Variants in RBM6 observed in about 807,000 individuals in gnomAD.
RBM6 encodes RNA binding motif protein 6, also known as RNA-binding protein 6.
Under a neutral mutation model 140.4 loss-of-function variants are expected in RBM6, and 23 were observed. The ratio of observed to expected loss-of-function variants is 0.16; its 90% confidence interval spans 0.12 to 0.23. The LOEUF (loss-of-function observed/expected upper bound fraction) is 0.23, where lower values mean the gene tolerates loss of function less well. Ranked by LOEUF, RBM6 falls within the 10% of genes least tolerant of loss-of-function variation. The pLI is 1.00. For synonymous variants in RBM6, 439 were observed against 475.6 expected (o/e 0.92, Z 1.00); for missense variants, 1,139 against 1,386.7 (o/e 0.82, Z 2.84).
At chr3:50,069,241 G>A (rs79480342) in intron 18 of RBM6, among the ~76,000 whole-genome samples, 1,952 of 152,138 alleles carry the variant, frequency 0.013, 34 homozygotes, top group Non-Finnish European at 0.014. Context: ...GGTCAGGCAC[G>A]GTGGCTCACG....
chr3:49,944,946 G>A (rs111389326), intron 1 of RBM6, among the ~76,000 whole-genome samples: 20,467 of 146,396 alleles, frequency 0.14, 1,756 homozygotes, highest in Non-Finnish European at 0.2. Flanking sequence ...GCGTGATCTC[G>A]GCTCACTCCA....
chr3:50,017,794 G>A (rs953810174), intron 6 of RBM6, among the ~76,000 whole-genome samples: 4 of 152,014 alleles, frequency 2.6e-5, no homozygotes, highest in East Asian at 1.9e-4. Context: ...AATTCCATTT[G>A]TCTGTTTTTG....
intron 5 of RBM6, among the ~76,000 whole-genome samples, chr3:49,984,372 C>T (rs1165976347): frequency 3.3e-5 from 5 of 152,024 alleles, no homozygotes; most frequent in South Asian, 2.1e-4. Flanking sequence ...TTTGGGAGGC[C>T]GAGATGGGTG....
intron 15 of RBM6, 32 bp from the exon 16 acceptor site, chr3:50,064,999 T>C: frequency 6.4e-7 from 1 of 1,553,562 alleles, no homozygotes; most frequent in South Asian, 1.1e-5. Flanking sequence ...TATGAGTGAA[T>C]ATCATGTGAG....
At chr3:50,058,784 C>T (rs1459942815) in intron 10 of RBM6, 4 of 324,178 alleles carry the variant, frequency 1.2e-5, no homozygotes, top group Non-Finnish European at 2.3e-5. Flanking sequence ...GGCGTGGTGG[C>T]AGGCGCCTGT....
chr3:49,976,623 C>T (rs2085075370), intron 5 of RBM6, among the ~76,000 whole-genome samples: 1 of 152,126 alleles, frequency 6.6e-6, no homozygotes, highest in Non-Finnish European at 1.5e-5. Context: ...AGGATAATAA[C>T]CTCAGTCTGG....
intron 6 of RBM6, among the ~76,000 whole-genome samples, chr3:50,027,534 G>A (rs757370669): frequency 1.2e-4 from 18 of 152,002 alleles, no homozygotes; most frequent in African/African-American, 2.7e-4. Context: ...TCTGCTAGTC[G>A]GCTTTCTGTC....
At chr3:49,959,192 T>C (rs1438270492) in intron 1 of RBM6, among the ~76,000 whole-genome samples, 1 of 145,422 alleles carries the variant, frequency 6.9e-6, no homozygotes, top group Non-Finnish European at 1.5e-5. Flanking sequence ...TTTTTCCTTT[T>C]TTTTTTTTTT....
chr3:49,946,742 C>T (rs967361643), intron 1 of RBM6, among the ~76,000 whole-genome samples: 2 of 151,832 alleles, frequency 1.3e-5, no homozygotes, highest in African/African-American at 4.8e-5. Flanking sequence ...ACCATATTAG[C>T]CAGGCTGGTC....
chr3:50,032,874 A>G (rs912789826), intron 6 of RBM6, among the ~76,000 whole-genome samples: 5 of 151,798 alleles, frequency 3.3e-5, no homozygotes, highest in African/African-American at 1.2e-4. Flanking sequence ...AATTCCAGCT[A>G]TTCGGGAGGC....
Position 50,060,877 on chromosome 3 carries a change from C to G in RBM6, c.2229-79C>G, listed in dbSNP as rs560379584. The G allele has an allele frequency of 9.9e-6, 14 of 1,412,942 alleles. No homozygotes were observed. In the South Asian group the frequency reaches 1.3e-4, roughly 13 times the overall value. 87.5% of individuals were successfully genotyped at this position (1,412,942 alleles called of 1,614,324 possible). On this transcript the variant is annotated intron_variant, in intron 11 of 20. Transcript: ENST00000266022. ...GCAAAATGAGGAACAGAGGATTTCT[C>G]GATAGGAACTGTAGGATTAAGTACT... is the stretch of plus-strand genomic sequence containing the variant.
intron 1 of RBM6, among the ~76,000 whole-genome samples, chr3:49,953,677 G>A (rs2083841532): frequency 6.6e-6 from 1 of 151,880 alleles, no homozygotes; most frequent in Non-Finnish European, 1.5e-5. Flanking sequence ...GTGCTACCAC[G>A]CCTGGCTAAT....
At chr3:50,046,008 C>T (rs1450209873) in intron 6 of RBM6, among the ~76,000 whole-genome samples, 1 of 152,112 alleles carries the variant, frequency 6.6e-6, no homozygotes, top group East Asian at 1.9e-4. Flanking sequence ...TTAGGCCGGA[C>T]ACAGTGGCTC....
intron 6 of RBM6, among the ~76,000 whole-genome samples, chr3:50,011,334 T>C (rs1335100623): frequency 2.6e-5 from 4 of 152,240 alleles, no homozygotes; most frequent in Non-Finnish European, 4.4e-5. Flanking sequence ...AGGCTCCATT[T>C]GAACTGGTTA....
intron 1 of RBM6, among the ~76,000 whole-genome samples, chr3:49,959,571 GTTTT>G (rs551329901): frequency 8.8e-6 from 1 of 114,220 alleles, no homozygotes; most frequent in Admixed American, 9.2e-5. Context: ...TATATTTAGG[GTTTT>G]TTTTTTTTTT....
chr3:50,009,229 C>CT (rs1328098563), intron 6 of RBM6, among the ~76,000 whole-genome samples: 2 of 152,162 alleles, frequency 1.3e-5, no homozygotes, highest in African/African-American at 4.8e-5. Context: ...CATGAAGTGT[C>CT]TAAGGAATGA....
chr3:50,024,996 A>G (rs970222070), intron 6 of RBM6, among the ~76,000 whole-genome samples: 1 of 151,164 alleles, frequency 6.6e-6, no homozygotes. Flanking sequence ...GTCTCAAAAA[A>G]CAAAAAACAA....
intron 1 of RBM6, among the ~76,000 whole-genome samples, chr3:49,956,502 T>C (rs1353311482): frequency 6.6e-6 from 1 of 151,266 alleles, no homozygotes; most frequent in Non-Finnish European, 1.5e-5. Flanking sequence ...CTGGCTAATT[T>C]TGTATTTTTA....
At chr3:50,003,309 A>C (rs78877562) in intron 6 of RBM6, among the ~76,000 whole-genome samples, 2 of 3,442 alleles carry the variant, frequency 5.8e-4, no homozygotes, top group East Asian at 0.021. Flanking sequence ...GTCTAAATTT[A>C]AAAAAAAAAA....
Sources: allele counts gnomAD v4.1 joint callset (sites outside exome capture counted in the v4.1 genomes callset), GRCh38; gene constraint gnomAD v4.1.1; transcripts MANE v1.5; gene names NCBI Gene and HGNC (gene_info 2026-07-23, HGNC 2026-07-21).